The following ATRNL1 variants were observed in gnomAD, a reference collection of about 807,000 sequenced individuals.
The protein encoded by ATRNL1 is attractin like 1, also known as attractin-like protein 1.
A neutral mutation model predicts 182.7 loss-of-function variants in ATRNL1; 95 were observed. The ratio of observed to expected loss-of-function variants is 0.52; its 90% CI spans 0.44 to 0.62. ATRNL1 has a LOEUF of 0.62. Ranked by LOEUF, ATRNL1 falls within the 20% of genes least tolerant of loss-of-function variation. The pLI is 0.00. For missense variants in ATRNL1, 1,471 were observed against 1,679.5 expected, an observed-to-expected ratio of 0.88 and a Z score of 2.17; for synonymous variants, 576 against 568.3, an observed-to-expected ratio of 1.01 and a Z score of -0.19.
chr10:115,170,073 C>T (rs1564793910), intron 7 of ATRNL1, among the ~76,000 whole-genome samples: 1 of 152,116 alleles, frequency 6.6e-6, no homozygotes, highest in South Asian at 2.1e-4. Context: ...TACCAGATTG[C>T]ATCATCTGCA....
At chr10:115,785,604 G>T (rs372023726) in intron 27 of ATRNL1, among the ~76,000 whole-genome samples, 1 of 152,162 alleles carries the variant, frequency 6.6e-6, no homozygotes, top group Admixed American at 6.5e-5. Flanking sequence ...TTGGTTATTA[G>T]ATCTGTTAAC....
chr10:115,747,393 A>G (rs925208568), intron 27 of ATRNL1, among the ~76,000 whole-genome samples: 4 of 152,098 alleles, frequency 2.6e-5, no homozygotes, highest in Non-Finnish European at 5.9e-5. Context: ...CAATCAAGAT[A>G]TTGGCCCCAT....
chr10:115,256,224 C>G (rs1253024389), intron 10 of ATRNL1, among the ~76,000 whole-genome samples: 1 of 152,164 alleles, frequency 6.6e-6, no homozygotes, highest in Non-Finnish European at 1.5e-5. Context: ...ACCAGCTCCT[C>G]TTTGTACCTC....
At chr10:115,660,261 G>A (rs1332925307) in intron 26 of ATRNL1, among the ~76,000 whole-genome samples, 1 of 152,092 alleles carries the variant, frequency 6.6e-6, no homozygotes, top group Admixed American at 6.6e-5. Context: ...TCTAAAGACG[G>A]TGGGAGATTT....
chr10:115,102,851 C>T (rs1843833065), intron 1 of ATRNL1, among the ~76,000 whole-genome samples: 1 of 151,974 alleles, frequency 6.6e-6, no homozygotes, highest in African/African-American at 2.4e-5. Flanking sequence ...TTAAAAAAGT[C>T]TTGCTGGGAT....
At chr10:115,792,447 A>G (rs1391409671) in intron 27 of ATRNL1, among the ~76,000 whole-genome samples, 2 of 152,096 alleles carry the variant, frequency 1.3e-5, no homozygotes, top group African/African-American at 2.4e-5. Context: ...CACTATCAAC[A>G]TATATTGGGT....
intron 20 of ATRNL1, among the ~76,000 whole-genome samples, chr10:115,399,797 G>T (rs1472640312): frequency 6.6e-6 from 1 of 151,984 alleles, no homozygotes; most frequent in African/African-American, 2.4e-5. Flanking sequence ...ACTTTTTGAT[G>T]TGGACATTTA....
chr10:115,853,758 T>C (rs1463458496), intron 28 of ATRNL1, among the ~76,000 whole-genome samples: 3 of 152,182 alleles, frequency 2.0e-5, no homozygotes, highest in African/African-American at 7.2e-5. Context: ...CGTATGTGTC[T>C]TCACAAAGAA....
intron 8 of ATRNL1, among the ~76,000 whole-genome samples, chr10:115,175,604 A>C (rs1049457503): frequency 4.2e-4 from 64 of 152,080 alleles, no homozygotes; most frequent in Non-Finnish European, 8.5e-4. Flanking sequence ...AGAATACATG[A>C]TTGATGAGTT....
At chr10:115,855,178 G>T (rs1436948473) in intron 28 of ATRNL1, among the ~76,000 whole-genome samples, 1 of 152,136 alleles carries the variant, frequency 6.6e-6, no homozygotes, top group Non-Finnish European at 1.5e-5. Context: ...AAATATCTTT[G>T]TGATTGCTGC....
intron 19 of ATRNL1, among the ~76,000 whole-genome samples, chr10:115,383,628 G>A (rs984413778): frequency 6.6e-6 from 1 of 151,842 alleles, no homozygotes; most frequent in Non-Finnish European, 1.5e-5. Flanking sequence ...TAAGAAAATT[G>A]CAAAATTCAG....
intron 13 of ATRNL1, among the ~76,000 whole-genome samples, chr10:115,277,086 A>G (rs527904481): frequency 3.3e-5 from 5 of 151,974 alleles, no homozygotes; most frequent in Non-Finnish European, 7.4e-5. Flanking sequence ...TTAGCTATCA[A>G]ATGTTTAGAA....
intron 19 of ATRNL1, among the ~76,000 whole-genome samples, chr10:115,379,612 A>T (rs1266989387): frequency 1.3e-5 from 2 of 152,220 alleles, no homozygotes; most frequent in African/African-American, 4.8e-5. Context: ...TAATATTAAA[A>T]GACATCATGA....
At chr10:115,524,243 A>C (rs1055862283) in intron 25 of ATRNL1, among the ~76,000 whole-genome samples, 62 of 152,216 alleles carry the variant, frequency 4.1e-4, no homozygotes, top group Non-Finnish European at 4.6e-4. Context: ...TTGAGTATCA[A>C]ATTTTAACAT....
intron 9 of ATRNL1, among the ~76,000 whole-genome samples, chr10:115,226,220 T>C (rs533826976): frequency 1.3e-5 from 2 of 152,116 alleles, no homozygotes; most frequent in South Asian, 4.1e-4. Flanking sequence ...AAAAAATGAA[T>C]ATTAAGCCCT....
At chr10:115,219,678 G>A (rs1436166480) in intron 9 of ATRNL1, among the ~76,000 whole-genome samples, 1 of 152,112 alleles carries the variant, frequency 6.6e-6, no homozygotes, top group African/African-American at 2.4e-5. Context: ...AGAGGCAGGT[G>A]GATTGCTTGA....
chr10:115,459,709 A>AC (rs1847700667), intron 21 of ATRNL1, among the ~76,000 whole-genome samples: 1 of 152,030 alleles, frequency 6.6e-6, no homozygotes, highest in South Asian at 2.1e-4. Flanking sequence ...ATATTCTATT[A>AC]CGCTGTTAAG....
intron 24 of ATRNL1, among the ~76,000 whole-genome samples, chr10:115,500,355 G>A (rs566250945): frequency 6.6e-6 from 1 of 152,244 alleles, no homozygotes; most frequent in Non-Finnish European, 1.5e-5. Context: ...AGAAAAATTA[G>A]AATTTGGTCC....
At chr10:115,827,207 G>T (rs945669451) in intron 27 of ATRNL1, among the ~76,000 whole-genome samples, 1 of 152,134 alleles carries the variant, frequency 6.6e-6, no homozygotes, top group East Asian at 1.9e-4. Context: ...CTGAAAGTCC[G>T]ACAGCATTGA....
Sources: gnomAD v4.1 joint callset for allele counts (sites outside exome capture counted in the v4.1 genomes callset) on GRCh38, gnomAD v4.1.1 for gene constraint, MANE v1.5 for transcripts, NCBI Gene and HGNC (gene_info 2026-07-23, HGNC 2026-07-21) for gene names.